Variants in EFNA5 observed in about 807,000 individuals in gnomAD.
The protein encoded by EFNA5 is ephrin-A5.
Under a neutral mutation model 22.9 loss-of-function variants are expected in EFNA5, and 5 were observed. That is an observed-to-expected ratio of 0.22 (90% CI 0.11 to 0.46). The LOEUF (loss-of-function observed/expected upper bound fraction) is 0.46. Among genes scored for constraint, EFNA5 ranks in the 20% least tolerant of loss-of-function variants. The pLI, the probability that EFNA5 is intolerant of heterozygous loss-of-function variation, is 0.99. For synonymous variants in EFNA5, 113 were observed against 112.2 expected, an observed-to-expected ratio of 1.01 and a Z score of -0.04; for missense variants, 237 against 293.3, an observed-to-expected ratio of 0.81 and a Z score of 1.40.
intron 1 of EFNA5, among the ~76,000 whole-genome samples, chr5:107,638,146 C>G (rs1009858491): frequency 6.6e-6 from 1 of 152,072 alleles, no homozygotes; most frequent in African/African-American, 2.4e-5. Flanking sequence ...AGCCATCGTG[C>G]CCGGCCAACA....
At chr5:107,593,355 T>C (rs918529475) in intron 1 of EFNA5, among the ~76,000 whole-genome samples, 1 of 152,196 alleles carries the variant, frequency 6.6e-6, no homozygotes, top group Admixed American at 6.5e-5. Flanking sequence ...AACAAATCTG[T>C]TCTTTCTGGA....
intron 1 of EFNA5, among the ~76,000 whole-genome samples, chr5:107,442,941 A>AC (rs1381604043): frequency 6.6e-6 from 1 of 151,588 alleles, no homozygotes; most frequent in Non-Finnish European, 1.5e-5. Flanking sequence ...AAAAAAAAAA[A>AC]AAAAAAAAAA....
chr5:107,645,416 G>A (rs1750611565), intron 1 of EFNA5, among the ~76,000 whole-genome samples: 1 of 152,178 alleles, frequency 6.6e-6, no homozygotes, highest in Admixed American at 6.5e-5. Flanking sequence ...GTCCTTGTAA[G>A]TGGCATTCAC....
At chr5:107,622,438 T>A (rs1346361417) in intron 1 of EFNA5, among the ~76,000 whole-genome samples, 1 of 152,224 alleles carries the variant, frequency 6.6e-6, no homozygotes, top group Non-Finnish European at 1.5e-5. Flanking sequence ...AACAAAAATA[T>A]GAAGCTATGG....
At chr5:107,450,950 T>A (rs759340039) in intron 1 of EFNA5, among the ~76,000 whole-genome samples, 1 of 152,274 alleles carries the variant, frequency 6.6e-6, no homozygotes, top group Non-Finnish European at 1.5e-5. Flanking sequence ...GAGAGCTACG[T>A]GGTCTTGGCA....
chr5:107,607,473 A>T (rs1307674386), intron 1 of EFNA5, among the ~76,000 whole-genome samples: 2 of 152,192 alleles, frequency 1.3e-5, no homozygotes, highest in African/African-American at 4.8e-5. Flanking sequence ...CTTTCTGGCC[A>T]TTTCAGGTAC....
At chr5:107,403,754 T>C (rs1399275198) in intron 2 of EFNA5, among the ~76,000 whole-genome samples, 1 of 152,244 alleles carries the variant, frequency 6.6e-6, no homozygotes, top group Admixed American at 6.5e-5. Flanking sequence ...TGCTTTCTAG[T>C]GCCACATTCT....
chr5:107,599,608 C>A (rs577014359), intron 1 of EFNA5, among the ~76,000 whole-genome samples: 6 of 152,114 alleles, frequency 3.9e-5, no homozygotes, highest in African/African-American at 1.4e-4. Flanking sequence ...AGATCTACAG[C>A]CAATTAGAAA....
At chr5:107,582,157 G>C (rs1749086247) in intron 1 of EFNA5, among the ~76,000 whole-genome samples, 1 of 152,138 alleles carries the variant, frequency 6.6e-6, no homozygotes. Context: ...CTCTAATAGA[G>C]AGATAAAATA....
chr5:107,431,068 C>G (rs1033286602), intron 1 of EFNA5, among the ~76,000 whole-genome samples: 1 of 152,150 alleles, frequency 6.6e-6, no homozygotes, highest in Non-Finnish European at 1.5e-5. Context: ...GCCACCGCGC[C>G]CGGCCACAAT....
rs190308641 is a variant in EFNA5, at chr5:107,427,188, T to C, written c.418+29A>G. 78 of 1,613,484 alleles carry C rather than the reference T, an allele frequency of 4.8e-5. 1 individual carries two copies. The Middle Eastern group carries it at 5.0e-4, about 10-fold the overall frequency. On this transcript the variant is annotated intron_variant, in intron 2 of 4. Transcript: ENST00000333274. ...TTAGTCTGGGTTCTTGCAGCTGCCC[T>C]ACAACACGATAAATCTCTATATACT... is the stretch of plus-strand genomic sequence containing the variant.
At chr5:107,620,678 G>C (rs1213797159) in intron 1 of EFNA5, among the ~76,000 whole-genome samples, 1 of 152,132 alleles carries the variant, frequency 6.6e-6, no homozygotes, top group Non-Finnish European at 1.5e-5. Flanking sequence ...TATTTCTTAA[G>C]TATGAACTAA....
At chr5:107,602,970 C>G (rs1014622552) in intron 1 of EFNA5, among the ~76,000 whole-genome samples, 3 of 152,158 alleles carry the variant, frequency 2.0e-5, no homozygotes, top group African/African-American at 7.2e-5. Flanking sequence ...TCAGGCTAAA[C>G]CTACAGACCT....
intron 1 of EFNA5, among the ~76,000 whole-genome samples, chr5:107,496,888 C>T (rs1323537053): frequency 6.6e-6 from 1 of 152,184 alleles, no homozygotes; most frequent in Non-Finnish European, 1.5e-5. Flanking sequence ...ACCAAGTAGA[C>T]AGTTCATGTG....
At chr5:107,498,695 G>A (rs1172162239) in intron 1 of EFNA5, among the ~76,000 whole-genome samples, 1 of 152,172 alleles carries the variant, frequency 6.6e-6, no homozygotes, top group East Asian at 1.9e-4. Flanking sequence ...GCCCTTCTGA[G>A]CTCAGGGCCC....
chr5:107,437,330 T>A (rs10491389), intron 1 of EFNA5, among the ~76,000 whole-genome samples: 1 of 152,206 alleles, frequency 6.6e-6, no homozygotes. Context: ...GCTGTTTCTA[T>A]GGAAATTGGC....
At chr5:107,494,600 G>A (rs1746920212) in intron 1 of EFNA5, among the ~76,000 whole-genome samples, 1 of 152,248 alleles carries the variant, frequency 6.6e-6, no homozygotes, top group South Asian at 2.1e-4. Flanking sequence ...CACGGGACTG[G>A]CAGGCAGCTC....
intron 1 of EFNA5, among the ~76,000 whole-genome samples, chr5:107,630,730 T>C (rs1580569928): frequency 6.6e-6 from 1 of 152,196 alleles, no homozygotes; most frequent in South Asian, 2.1e-4. Flanking sequence ...CTTTTTACTT[T>C]ATAAACTTTT....
intron 1 of EFNA5, among the ~76,000 whole-genome samples, chr5:107,547,775 C>G (rs1748199953): frequency 6.6e-6 from 1 of 152,076 alleles, no homozygotes; most frequent in African/African-American, 2.4e-5. Flanking sequence ...CTTTGTAAGA[C>G]AGTGTAATTG....
Sources: gnomAD v4.1 joint callset for allele counts (sites outside exome capture counted in the v4.1 genomes callset) on GRCh38, gnomAD v4.1.1 for gene constraint, MANE v1.5 for transcripts, NCBI Gene and HGNC (gene_info 2026-07-23, HGNC 2026-07-21) for gene names.